SGO2: variants seen among roughly 807,000 people sequenced by gnomAD.
SGO2 encodes shugoshin-like 2.
In SGO2, 68 loss-of-function variants were observed where a neutral mutation model predicts 99.5. That is an observed-to-expected ratio of 0.68 (90% confidence interval 0.56 to 0.84). The LOEUF (loss-of-function observed/expected upper bound fraction) is 0.84, where lower values mean the gene tolerates loss of function less well. SGO2 is among the 40% of genes least tolerant of loss of function. The probability of loss-of-function intolerance (pLI) is 0.00; values close to 1 mark genes in which losing one functional copy is unlikely to be tolerated. For missense variants in SGO2, 1,350 were observed against 1,436.7 expected (o/e 0.94, Z 0.97); for synonymous variants, 457 against 487.1 (o/e 0.94, Z 0.81).
rs758358214 is a variant in SGO2, at chr2:200,575,375, A to G, written c.3696A>G (p.Glu1232=). 6.2e-6 allele frequency: 10 copies of G among 1,609,202 alleles called. No homozygotes were observed. In the South Asian group the frequency reaches 1.1e-4, roughly 18 times the overall value. ...TTTCAAATAACACTGCTGAATCTGA[A>G]AATAAGTCAGAAGATCTATCTTCAG... The part of the protein sequence containing the change: ...SFVSNNTAES[E]NKSEDLSSER... Residue 1232 remains glutamate, a synonymous_variant, in exon 8 of 9, where the codon GAA becomes GAG. Coordinates refer to ENST00000357799, the MANE Select transcript of SGO2 (RefSeq NM_152524.6).
Position 200,558,072 on chromosome 2 carries a change from C to G in SGO2, c.474-11591C>G, listed in dbSNP as rs569578586. Among the ~76,000 whole-genome samples the G allele has an allele frequency of 5.9e-5, 9 of 152,188 alleles. No homozygotes were observed. The Middle Eastern group carries it at 0.01, about 173-fold the overall frequency. On this transcript the variant is annotated intron_variant, in intron 5 of 8. Transcript: ENST00000357799. The stretch of plus-strand genomic sequence containing the variant: ...AGAGACAGGGTTTCACCATGTTGGC[C>G]AGGGTGGTCTCGATCTCTTGAACCT...
At chr2:200,536,537 T>C (rs1413704065) in intron 4 of SGO2, among the ~76,000 whole-genome samples, 1 of 152,166 alleles carries the variant, frequency 6.6e-6, no homozygotes, top group Non-Finnish European at 1.5e-5. Context: ...GGTCCTACTT[T>C]ATACTGTTTT....
Position 200,572,274 on chromosome 2 carries a change from A to C in SGO2, c.1928A>C (p.Lys643Thr). The change falls in exon 7 of 9, where the codon AAA becomes ACA. Residue 643 changes from lysine (K) to threonine (T), a missense_variant. Coordinates refer to ENST00000357799, the MANE Select transcript of SGO2 (RefSeq NM_152524.6). Reference protein sequence around the residue: ...NDKDVVHGLKKGNFFFKTQED... With the variant: ...NDKDVVHGLKTGNFFFKTQED... ...AAAGATGTGGTGCATGGCCTAAAAA[A>C]AGGTAATTTTTTTTTCAAAACCCAA... 1 of 1,610,848 alleles carries C rather than the reference A, an allele frequency of 6.2e-7. No homozygotes were observed. The highest frequency in any genetic ancestry group is 2.2e-5 in the East Asian group (1 of 44,846).
intron 5 of SGO2, among the ~76,000 whole-genome samples, chr2:200,565,735 A>G (rs998189445): frequency 6.6e-6 from 1 of 152,136 alleles, no homozygotes; most frequent in Non-Finnish European, 1.5e-5. Flanking sequence ...ACATAGTCCC[A>G]TATTTCTTGG....
rs2031675015 is a variant in SGO2 at position 200,536,078 on chromosome 2, T to C, written c.323T>C (p.Ile108Thr). The change falls in exon 4 of 9, where the codon ATA (isoleucine) becomes ACA (threonine). Residue 108 changes from isoleucine to threonine, a missense_variant. Ile to Thr is a moderately conservative substitution (Grantham distance 89). Coordinates refer to ENST00000357799, the MANE Select transcript of SGO2 (RefSeq NM_152524.6). ...LKLNNLNKKL[I>T]DIEALMNNNL... is the part of the protein sequence containing the mutation. The stretch of plus-strand genomic sequence containing the variant: ...TTACATGTGCAGAATAAGAAGCTTA[T>C]AGACATAGAAGCTCTCATGAACAAT... 6.3e-7 allele frequency: 1 copy of C among 1,585,144 alleles called. No homozygotes were observed. The highest frequency in any genetic ancestry group is 1.3e-5 in the African/African-American group (1 of 74,406).
intron 5 of SGO2, among the ~76,000 whole-genome samples, chr2:200,562,703 T>C (rs1388245757): frequency 1.3e-5 from 2 of 152,226 alleles, no homozygotes; most frequent in African/African-American, 4.8e-5. Context: ...GGAATGTTCT[T>C]CCATTTGTTT....
chr2:200,527,955 T>G (rs1363228027), intron 1 of SGO2, among the ~76,000 whole-genome samples: 3 of 152,174 alleles, frequency 2.0e-5, no homozygotes, highest in Non-Finnish European at 4.4e-5. Context: ...TGGCAAATGC[T>G]CGAAGGAAGT....
chr2:200,541,372 T>A (rs1198136621), intron 4 of SGO2, among the ~76,000 whole-genome samples: 1 of 152,138 alleles, frequency 6.6e-6, no homozygotes. Context: ...TCTTAGAGCC[T>A]GCCAAAATTA....
rs1185578226 is a variant in SGO2, at chr2:200,526,671, C to T, written c.-3+419C>T. 4.6e-5 allele frequency among the ~76,000 whole-genome samples: 7 copies of T among 152,102 alleles called. No individual in the cohort carries two copies. Among genetic ancestry groups the T allele is most frequent in the Non-Finnish European group, 8.8e-5 (6 of 68,024 alleles). On this transcript the variant is annotated intron_variant, in intron 1 of 8. Transcript: ENST00000357799. The surrounding 1 kb of genome is among the most constrained non-coding windows in gnomAD (Gnocchi z 4.8). The stretch of plus-strand genomic sequence containing the variant: ...GAGCCCTCTCGTTTGGAGAGGCTGG[C>T]TGAAGGCGAAGGGGTGATGGAAGAC...
chr2:200,562,591 A>G (rs927080152), intron 5 of SGO2, among the ~76,000 whole-genome samples: 2 of 152,218 alleles, frequency 1.3e-5, no homozygotes, highest in African/African-American at 2.4e-5. Flanking sequence ...CAATTCTGTG[A>G]AGGAAGTCAT....
intron 5 of SGO2, among the ~76,000 whole-genome samples, chr2:200,546,882 C>G (rs570384176): frequency 6.6e-6 from 1 of 151,768 alleles, no homozygotes; most frequent in South Asian, 2.1e-4. Context: ...AGAAAATTAC[C>G]CCAAAAGACC....
chr2:200,543,836 A>G (rs2032078481), intron 5 of SGO2, among the ~76,000 whole-genome samples: 1 of 152,214 alleles, frequency 6.6e-6, no homozygotes, highest in Non-Finnish European at 1.5e-5. Flanking sequence ...TTGTCCTCCA[A>G]AAAATTGTAT....
intron 5 of SGO2, among the ~76,000 whole-genome samples, chr2:200,567,661 A>G (rs2033241855): frequency 6.6e-6 from 1 of 152,174 alleles, no homozygotes; most frequent in East Asian, 1.9e-4. Context: ...TTCTGTCTAA[A>G]TGGATTTGGC....
At chr2:200,534,454 A>C (rs2031589263) in intron 2 of SGO2, among the ~76,000 whole-genome samples, 1 of 152,214 alleles carries the variant, frequency 6.6e-6, no homozygotes, top group Admixed American at 6.5e-5. Flanking sequence ...CGTGGGGTTT[A>C]GATTATCTAT....
intron 8 of SGO2, chr2:200,575,987 T>C (rs2033642583): frequency 3.5e-6 from 1 of 283,492 alleles, no homozygotes; most frequent in African/African-American, 2.3e-5. Context: ...TGTATCCTTT[T>C]TGTTGTATTT....
In SGO2 at chr2:200,571,278, T is replaced by C. The variant is rs201060671; in HGVS notation, c.932T>C (p.Ile311Thr). 1.5e-4 allele frequency: 244 copies of C among 1,613,314 alleles called. 1 individual carries two copies. The African/African-American group carries it at 2.8e-3, about 19-fold the overall frequency. Residue 311 changes from isoleucine (I) to threonine (T), a missense_variant, in exon 7 of 9, where the codon ATA (isoleucine) becomes ACA (threonine). Physicochemically the swap from Ile to Thr is moderately conservative, Grantham distance 89. Transcript: ENST00000357799. ...CCAGAATTAAATTGCAATAATGAGA[T>C]AAATGGTCATACTAATGAAACAAAT... Reference protein sequence around the residue: ...SSPELNCNNEINGHTNETNTE... With the variant: ...SSPELNCNNETNGHTNETNTE...
chr2:200,533,078 C>A lies in SGO2; in HGVS notation c.103C>A (p.Leu35Ile). The change falls in exon 2 of 9, where the codon CTT (leucine) becomes ATT (isoleucine). Residue 35 changes from leucine (L) to isoleucine (I), a missense_variant. By Grantham distance (5) the Leu-to-Ile change is conservative (BLOSUM62 2). Transcript: ENST00000357799. ...ISKTTKLNVS[L>I]ASKIKTKILN... ...AAAGACTACTAAGTTGAATGTTTCT[C>A]TTGCTTCAAAAATAAAAACAAAAAT... The A allele has an allele frequency of 6.3e-7, 1 of 1,586,134 alleles. No homozygotes were observed. The highest frequency in any genetic ancestry group is 1.2e-5 in the South Asian group (1 of 85,478).
intron 5 of SGO2, among the ~76,000 whole-genome samples, chr2:200,544,416 G>A (rs2032109502): frequency 6.6e-6 from 1 of 152,074 alleles, no homozygotes; most frequent in African/African-American, 2.4e-5. Context: ...CAAGTAGTTG[G>A]GATTATGGGC....
intron 5 of SGO2, among the ~76,000 whole-genome samples, chr2:200,567,923 T>C (rs1352893185): frequency 6.6e-6 from 1 of 152,250 alleles, no homozygotes; most frequent in Non-Finnish European, 1.5e-5. Flanking sequence ...TAAACATTCA[T>C]GTACAAATTT....
Sources: allele counts gnomAD v4.1 joint callset (sites outside exome capture counted in the v4.1 genomes callset), GRCh38; gene constraint gnomAD v4.1.1; non-coding constraint Gnocchi (gnomAD v3.1); transcripts MANE v1.5; gene names NCBI Gene and HGNC (gene_info 2026-07-23, HGNC 2026-07-21).